GATAD2B: variants seen among roughly 807,000 people sequenced by gnomAD.
GATAD2B encodes the protein transcriptional repressor p66-beta.
In GATAD2B, 8 loss-of-function variants were observed where a neutral mutation model predicts 64.3. The observed-to-expected ratio is 0.12, with a 90% CI of 0.07 to 0.22. The LOEUF is 0.22. Among genes scored for constraint, GATAD2B ranks in the 10% least tolerant of loss-of-function variants. The pLI is 1.00. For missense variants in GATAD2B, 453 were observed against 752.0 expected (o/e 0.60, Z 4.65); for synonymous variants, 281 against 271.3 (o/e 1.04, Z -0.35).
At chr1:153,878,083 C>A (rs1048808027) in intron 1 of GATAD2B, among the ~76,000 whole-genome samples, 1 of 151,858 alleles carries the variant, frequency 6.6e-6, no homozygotes, top group East Asian at 1.9e-4. Context: ...TAGGCTCCAG[C>A]TCCTTGGGGT....
chr1:153,841,599 G>A (rs1013751936), intron 1 of GATAD2B, among the ~76,000 whole-genome samples: 3 of 152,148 alleles, frequency 2.0e-5, no homozygotes, highest in African/African-American at 7.2e-5. Context: ...ATTTCACTGA[G>A]ATTCATCGAA....
chr1:153,824,234 G>A (rs768310155), intron 2 of GATAD2B, among the ~76,000 whole-genome samples: 4 of 134,306 alleles, frequency 3.0e-5, no homozygotes, highest in Non-Finnish European at 6.9e-5. Context: ...CACTATGACA[G>A]TGCTTGTGAA....
In GATAD2B at chr1:153,812,006, G is replaced by T; in HGVS notation, c.1530+16C>A. The T allele has an allele frequency of 6.7e-7, 1 of 1,497,236 alleles. No individual in the cohort carries two copies. The highest frequency in any genetic ancestry group is 9.3e-7 in the Non-Finnish European group (1 of 1,075,182). The allele number at this position is 1,497,236 out of a possible 1,614,324, so 92.7% of individuals were successfully genotyped here. Reference sequence around the variant, plus strand: ...AATCTTCTAAAGAAATCAGGATCAGGCAAAAAGTTCCTTACCTGCCGAAGC... The same window carrying T: ...AATCTTCTAAAGAAATCAGGATCAGTCAAAAAGTTCCTTACCTGCCGAAGC... On this transcript the variant is annotated intron_variant, in intron 9 of 10. Transcript: ENST00000368655.
chr1:153,900,810 G>T (rs1159916719), intron 1 of GATAD2B, among the ~76,000 whole-genome samples: 1 of 152,182 alleles, frequency 6.6e-6, no homozygotes, highest in Non-Finnish European at 1.5e-5. Flanking sequence ...GAAAAAAAAT[G>T]AGCATAGTTA....
chr1:153,859,843 C>CT (rs1212848718), intron 1 of GATAD2B, among the ~76,000 whole-genome samples: 2 of 151,142 alleles, frequency 1.3e-5, no homozygotes, highest in Non-Finnish European at 2.9e-5. Flanking sequence ...ATGGTCATCC[C>CT]TATCTCCATT....
chr1:153,870,609 G>GA (rs1366677334), intron 1 of GATAD2B, among the ~76,000 whole-genome samples: 2 of 151,974 alleles, frequency 1.3e-5, no homozygotes, highest in Admixed American at 1.3e-4. Flanking sequence ...TTCAAAATGT[G>GA]AAAAAAATTC....
chr1:153,857,322 T>TG (rs1347025038), intron 1 of GATAD2B, among the ~76,000 whole-genome samples: 4 of 151,896 alleles, frequency 2.6e-5, no homozygotes, highest in Non-Finnish European at 5.9e-5. Context: ...GGTGCGCACT[T>TG]GGAGTCCCAG....
At chr1:153,855,902 C>T (rs1205105703) in intron 1 of GATAD2B, among the ~76,000 whole-genome samples, 3 of 151,952 alleles carry the variant, frequency 2.0e-5, no homozygotes, top group Admixed American at 6.6e-5. Flanking sequence ...AGGCTGGTCT[C>T]GAACTCCTGG....
At chr1:153,893,955 TAAAAAAAA>T (rs57287798) in intron 1 of GATAD2B, among the ~76,000 whole-genome samples, 6 of 68,632 alleles carry the variant, frequency 8.7e-5, no homozygotes, top group African/African-American at 3.9e-4. Context: ...AGACTCCATC[TAAAAAAAA>T]AAAAAAAAAA....
intron 1 of GATAD2B, among the ~76,000 whole-genome samples, chr1:153,854,339 C>G (rs1226937121): frequency 2.0e-5 from 3 of 151,968 alleles, no homozygotes; most frequent in Non-Finnish European, 1.5e-5. Context: ...GGAGGTGGAG[C>G]TTGCAGTGAG....
At chr1:153,862,818 G>A (rs1018170439) in intron 1 of GATAD2B, among the ~76,000 whole-genome samples, 14 of 148,912 alleles carry the variant, frequency 9.4e-5, no homozygotes, top group South Asian at 8.5e-4. Context: ...TCCACCTCCC[G>A]GGTTCAAGCA....
intron 1 of GATAD2B, among the ~76,000 whole-genome samples, chr1:153,907,400 A>C (rs1465120957): frequency 6.6e-6 from 1 of 152,246 alleles, no homozygotes; most frequent in Non-Finnish European, 1.5e-5. Flanking sequence ...GCCAGACACA[A>C]AAGGACAAAT....
chr1:153,903,116 G>A (rs1169707588), intron 1 of GATAD2B, among the ~76,000 whole-genome samples: 2 of 152,014 alleles, frequency 1.3e-5, no homozygotes, highest in Non-Finnish European at 2.9e-5. Context: ...TACTCGGGAG[G>A]CTGAGGCAGG....
chr1:153,859,364 CAA>C (rs11327443), intron 1 of GATAD2B, among the ~76,000 whole-genome samples: 233 of 140,326 alleles, frequency 1.7e-3, no homozygotes, highest in Admixed American at 1.9e-3. Flanking sequence ...GACTTCACCT[CAA>C]AAAAAAAAAA....
At chr1:153,832,072 G>A (rs565700442) in intron 1 of GATAD2B, among the ~76,000 whole-genome samples, 35 of 152,250 alleles carry the variant, frequency 2.3e-4, no homozygotes, top group Admixed American at 1.8e-3. Context: ...AAAATTAGTC[G>A]GGTGTTGTGG....
intron 1 of GATAD2B, among the ~76,000 whole-genome samples, chr1:153,920,352 C>A (rs761307363): frequency 2.0e-5 from 3 of 152,172 alleles, no homozygotes; most frequent in African/African-American, 7.2e-5. Flanking sequence ...GGGGCAAAAC[C>A]CCAAAATGGG....
Position 153,805,670 on chromosome 1 carries a change from T to C in GATAD2B, c.*4507A>G, listed in dbSNP as rs1674090518. On this transcript the variant is annotated 3_prime_UTR_variant, in exon 11 of 11. Coordinates refer to ENST00000368655, the MANE Select transcript of GATAD2B (RefSeq NM_020699.4). The stretch of plus-strand genomic sequence containing the variant: ...CTCACCTCAAGTTGTTTTTTGGTTT[T>C]GGCAGGTGAGAAGTATAGAATTTTA... 6.6e-6 allele frequency: 1 copy of C among 152,228 alleles called. No individual in the cohort carries two copies. The allele number at this position is 152,228 out of a possible 1,614,324, so 9.4% of individuals were successfully genotyped here.
At chr1:153,827,630 C>T (rs111295515) in intron 2 of GATAD2B, 6 of 189,114 alleles carry the variant, frequency 3.2e-5, no homozygotes, top group African/African-American at 1.4e-4. Flanking sequence ...AAAGCTGGGA[C>T]TCCACAATAA....
intron 1 of GATAD2B, among the ~76,000 whole-genome samples, chr1:153,912,039 T>C (rs1391107485): frequency 3.3e-5 from 5 of 152,224 alleles, no homozygotes; most frequent in African/African-American, 7.2e-5. Flanking sequence ...AAAGTTTAAT[T>C]TGGAAATTAA....
Sources: allele counts gnomAD v4.1 joint callset (sites outside exome capture counted in the v4.1 genomes callset), GRCh38; gene constraint gnomAD v4.1.1; transcripts MANE v1.5; gene names NCBI Gene and HGNC (gene_info 2026-07-23, HGNC 2026-07-21).